NR3C2: variants seen among roughly 807,000 people sequenced by gnomAD.
NR3C2 encodes the protein mineralocorticoid receptor.
Under a neutral mutation model 86.4 loss-of-function variants are expected in NR3C2, and 15 were observed. That is an observed-to-expected ratio of 0.17 (90% CI 0.12 to 0.27). The LOEUF is 0.27. Ranked by LOEUF, NR3C2 falls within the 10% of genes least tolerant of loss-of-function variation. NR3C2 has a pLI of 1.00. For synonymous variants in NR3C2, 458 were observed against 450.5 expected, an observed-to-expected ratio of 1.02 and a Z score of -0.21; for missense variants, 960 against 1,195.6, an observed-to-expected ratio of 0.80 and a Z score of 2.91.
chr4:148,219,375 A>T (rs772512346), intron 3 of NR3C2, among the ~76,000 whole-genome samples: 8 of 152,178 alleles, frequency 5.3e-5, no homozygotes, highest in Non-Finnish European at 1.0e-4. Context: ...TTCCTAATTA[A>T]TGTCTTTAAC....
chr4:148,210,692 G>A (rs1375867355), intron 3 of NR3C2, among the ~76,000 whole-genome samples: 1 of 152,156 alleles, frequency 6.6e-6, no homozygotes, highest in Non-Finnish European at 1.5e-5. Flanking sequence ...TATATTGCTG[G>A]TTTGCCAATA....
chr4:148,274,638 C>G (rs1225938283), intron 2 of NR3C2, among the ~76,000 whole-genome samples: 1 of 151,836 alleles, frequency 6.6e-6, no homozygotes, highest in Non-Finnish European at 1.5e-5. Context: ...TCCAGTCATG[C>G]AGAACTGTGA....
In NR3C2 at chr4:148,436,755, T is replaced by C; in HGVS notation, c.106A>G (p.Arg36Gly). The change falls in exon 2 of 9, where the codon AGG (arginine) becomes GGG (glycine). Residue 36 changes from arginine (R) to glycine (G), a missense_variant. Physicochemically the swap from Arg to Gly is moderately radical, Grantham distance 125. This residue lies in a region of NR3C2 where 680 missense variants were observed against 719.0 expected (regional missense o/e 0.95). Coordinates refer to ENST00000358102, the MANE Select transcript of NR3C2 (RefSeq NM_000901.5). ...TCCATGTAGTTATTCTCATCGGTCCTCTCTGTAGGTCCCAGGGAAGAACGC... is the reference window on the plus strand; with the variant it reads ...TCCATGTAGTTATTCTCATCGGTCCCCTCTGTAGGTCCCAGGGAAGAACGC... ...VERSSLGPTERTDENNYMEIV... is the reference protein window; with the variant it reads ...VERSSLGPTEGTDENNYMEIV... The C allele has an allele frequency of 6.2e-7, 1 of 1,614,098 alleles. No homozygotes were observed. The highest frequency in any genetic ancestry group is 8.5e-7 in the Non-Finnish European group (1 of 1,179,956).
intron 2 of NR3C2, among the ~76,000 whole-genome samples, chr4:148,286,865 G>A (rs1741551755): frequency 6.6e-6 from 1 of 152,156 alleles, no homozygotes; most frequent in Non-Finnish European, 1.5e-5. Context: ...TTACAATCAT[G>A]TACAAAGGGA....
intron 8 of NR3C2, among the ~76,000 whole-genome samples, chr4:148,087,375 C>T (rs1274209077): frequency 6.6e-6 from 1 of 152,104 alleles, no homozygotes; most frequent in Middle Eastern, 3.2e-3. Context: ...TGACTTTCTT[C>T]ACAGAATTAG....
intron 2 of NR3C2, among the ~76,000 whole-genome samples, chr4:148,426,951 TTTTC>T (rs1749566743): frequency 2.0e-5 from 3 of 151,420 alleles, no homozygotes; most frequent in African/African-American, 7.3e-5. Flanking sequence ...CTTCATTTCT[TTTTC>T]TTTTTCTTTT....
chr4:148,256,598 A>T (rs1490860706), intron 3 of NR3C2, among the ~76,000 whole-genome samples: 2 of 152,208 alleles, frequency 1.3e-5, no homozygotes, highest in Non-Finnish European at 2.9e-5. Flanking sequence ...CTAGTGAGTG[A>T]CGTAAAAAAT....
chr4:148,341,241 A>G (rs922051978), intron 2 of NR3C2, among the ~76,000 whole-genome samples: 4 of 152,162 alleles, frequency 2.6e-5, no homozygotes, highest in African/African-American at 9.7e-5. Context: ...TGGATTTTTA[A>G]AAAGTGATAC....
intron 2 of NR3C2, among the ~76,000 whole-genome samples, chr4:148,337,341 G>C (rs1255379561): frequency 6.6e-6 from 1 of 152,020 alleles, no homozygotes; most frequent in African/African-American, 2.4e-5. Context: ...ATGAACATGT[G>C]ATTAGAATAT....
intron 2 of NR3C2, among the ~76,000 whole-genome samples, chr4:148,362,178 CAT>C (rs1179436782): frequency 2.0e-5 from 3 of 152,316 alleles, no homozygotes; most frequent in East Asian, 1.9e-4. Context: ...AAATTCAAGA[CAT>C]GTGGCGTATC....
chr4:148,384,295 G>T (rs1747155807), intron 2 of NR3C2, among the ~76,000 whole-genome samples: 1 of 151,900 alleles, frequency 6.6e-6, no homozygotes. Flanking sequence ...ACTTAGTAGT[G>T]ATTTTATTTC....
intron 8 of NR3C2, among the ~76,000 whole-genome samples, chr4:148,113,828 GAA>G (rs1189992244): frequency 6.6e-6 from 1 of 152,188 alleles, no homozygotes; most frequent in Non-Finnish European, 1.5e-5. Context: ...GTTGCTAGGC[GAA>G]AATGCTATAT....
chr4:148,363,390 T>C (rs908298793), intron 2 of NR3C2, among the ~76,000 whole-genome samples: 1 of 152,108 alleles, frequency 6.6e-6, no homozygotes, highest in Non-Finnish European at 1.5e-5. Context: ...ATTTATTCAC[T>C]TCACAGACTT....
At chr4:148,337,982 C>T (rs564734444) in intron 2 of NR3C2, among the ~76,000 whole-genome samples, 1 of 152,198 alleles carries the variant, frequency 6.6e-6, no homozygotes, top group South Asian at 2.1e-4. Context: ...TTTTGTGATC[C>T]AGTGTAAGGT....
At chr4:148,240,270 A>G (rs13112089) in intron 3 of NR3C2, among the ~76,000 whole-genome samples, 1 of 147,788 alleles carries the variant, frequency 6.8e-6, no homozygotes, top group Admixed American at 6.8e-5. Flanking sequence ...AAATATATAT[A>G]TTTTATATAT....
chr4:148,138,226 T>TA (rs753746969), intron 6 of NR3C2, among the ~76,000 whole-genome samples: 93 of 152,324 alleles, frequency 6.1e-4, no homozygotes, highest in Admixed American at 1.4e-3. Flanking sequence ...GACCGGGGCT[T>TA]ACGTCTTCAA....
At chr4:148,199,873 T>C (rs1265304697) in intron 3 of NR3C2, among the ~76,000 whole-genome samples, 1 of 152,224 alleles carries the variant, frequency 6.6e-6, no homozygotes, top group Non-Finnish European at 1.5e-5. Flanking sequence ...CATGTACCTC[T>C]GAACTTAAAA....
intron 4 of NR3C2, among the ~76,000 whole-genome samples, chr4:148,161,436 G>A (rs886806878): frequency 1.3e-5 from 2 of 151,438 alleles, no homozygotes; most frequent in African/African-American, 4.9e-5. Context: ...TGCAACCTCC[G>A]TCTCCTGGGT....
chr4:148,149,593 GAC>G (rs1299784158), intron 6 of NR3C2, among the ~76,000 whole-genome samples: 8 of 152,078 alleles, frequency 5.3e-5, no homozygotes, highest in Admixed American at 2.6e-4. Context: ...TGCATTAAAG[GAC>G]ACTTTCAATA....
Sources: gnomAD v4.1 joint callset for allele counts (sites outside exome capture counted in the v4.1 genomes callset) on GRCh38, gnomAD v4.1.1 for gene constraint, gnomAD v4.1.1 regional missense constraint, MANE v1.5 for transcripts, NCBI Gene and HGNC (gene_info 2026-07-23, HGNC 2026-07-21) for gene names.